OXR1: variants seen among roughly 807,000 people sequenced by gnomAD.
OXR1 encodes oxidation resistance protein 1.
A neutral mutation model predicts 104.6 loss-of-function variants in OXR1; 41 were observed. The observed-to-expected ratio is 0.39, with a 90% CI of 0.31 to 0.51. The LOEUF (loss-of-function observed/expected upper bound fraction) is 0.51, where lower values mean the gene tolerates loss of function less well. OXR1 is among the 20% of genes least tolerant of loss of function. The pLI, the probability that OXR1 is intolerant of heterozygous loss-of-function variation, is 0.77. For missense variants in OXR1, 955 were observed against 1,031.9 expected (o/e 0.93, Z 1.02); for synonymous variants, 348 against 348.4 (o/e 1.00, Z 0.01).
At chr8:106,744,851 C>T (rs764993101) in intron 15 of OXR1, among the ~76,000 whole-genome samples, 2 of 152,070 alleles carry the variant, frequency 1.3e-5, no homozygotes, top group African/African-American at 2.4e-5. Context: ...AAAATAGGAA[C>T]GATTTGGTAA....
intron 3 of OXR1, among the ~76,000 whole-genome samples, chr8:106,616,102 T>C (rs1024288444): frequency 1.5e-5 from 2 of 136,554 alleles, no homozygotes; most frequent in East Asian, 4.4e-4. Context: ...GTGGCAATGG[T>C]GCGATCTCAG....
intron 2 of OXR1, among the ~76,000 whole-genome samples, chr8:106,478,516 G>A (rs1335706987): frequency 1.3e-5 from 2 of 151,788 alleles, no homozygotes; most frequent in African/African-American, 4.8e-5. Context: ...AGTAAGTAAG[G>A]AAGTTCTTGG....
intron 2 of OXR1, among the ~76,000 whole-genome samples, chr8:106,422,654 T>C (rs1038791280): frequency 2.0e-5 from 3 of 152,144 alleles, no homozygotes; most frequent in Admixed American, 6.6e-5. Context: ...TACGGACCCT[T>C]ATAGAAATAA....
chr8:106,413,330 T>C (rs1390122352), intron 2 of OXR1, among the ~76,000 whole-genome samples: 1 of 152,108 alleles, frequency 6.6e-6, no homozygotes, highest in Non-Finnish European at 1.5e-5. Context: ...GTGCTCTCCA[T>C]GTACTCTCAG....
chr8:106,591,040 G>T (rs1175972070), intron 3 of OXR1, among the ~76,000 whole-genome samples: 1 of 151,758 alleles, frequency 6.6e-6, no homozygotes, highest in African/African-American at 2.4e-5. Context: ...GTATCATTGC[G>T]TTTCTAAAGA....
At chr8:106,743,134 T>C (rs966857733) in intron 15 of OXR1, among the ~76,000 whole-genome samples, 17 of 152,068 alleles carry the variant, frequency 1.1e-4, no homozygotes, top group Non-Finnish European at 1.5e-4. Context: ...AAAGACACTT[T>C]TCAAAAGAAG....
At chr8:106,481,428 C>T (rs753414784) in intron 2 of OXR1, among the ~76,000 whole-genome samples, 11 of 151,906 alleles carry the variant, frequency 7.2e-5, no homozygotes, top group Non-Finnish European at 1.2e-4. Flanking sequence ...ATTTTTTAAA[C>T]ATAAGAAAAC....
intron 3 of OXR1, among the ~76,000 whole-genome samples, chr8:106,563,377 TCCAAGAAG>T (rs1816834376): frequency 6.7e-6 from 1 of 149,838 alleles, no homozygotes; most frequent in African/African-American, 2.5e-5. Flanking sequence ...CCAACAGAGA[TCCAAGAAG>T]ACAAAGAAGG....
At chr8:106,659,767 G>A (rs1217917645) in intron 3 of OXR1, among the ~76,000 whole-genome samples, 1 of 152,200 alleles carries the variant, frequency 6.6e-6, no homozygotes, top group African/African-American at 2.4e-5. Context: ...GGCTGGGGCG[G>A]GAAGATCCTT....
chr8:106,657,908 T>G (rs1011737518), intron 3 of OXR1: 2 of 1,246,206 alleles, frequency 1.6e-6, no homozygotes. Flanking sequence ...GATGGGCCGG[T>G]GGGCGCGCTA....
intron 15 of OXR1, among the ~76,000 whole-genome samples, chr8:106,744,049 A>AG (rs1835173701): frequency 6.6e-6 from 1 of 152,126 alleles, no homozygotes; most frequent in East Asian, 1.9e-4. Context: ...TCGCAGGGTG[A>AG]GGGTGTGGGG....
chr8:106,463,365 A>G (rs1586673276), intron 2 of OXR1, among the ~76,000 whole-genome samples: 1 of 152,140 alleles, frequency 6.6e-6, no homozygotes, highest in East Asian at 1.9e-4. Flanking sequence ...TATCAATCGA[A>G]GGCAGTATTT....
intron 3 of OXR1, among the ~76,000 whole-genome samples, chr8:106,669,762 T>A (rs1052146872): frequency 6.6e-6 from 1 of 152,198 alleles, no homozygotes; most frequent in African/African-American, 2.4e-5. Flanking sequence ...CATTGATGAT[T>A]TCCAGACTTT....
chr8:106,436,871 T>A (rs565640081), intron 2 of OXR1, among the ~76,000 whole-genome samples: 2 of 152,270 alleles, frequency 1.3e-5, no homozygotes, highest in South Asian at 4.1e-4. Context: ...TGGCTTGACC[T>A]GAAATACATG....
In OXR1 at chr8:106,585,393, A is replaced by C. The variant is rs373554907; in HGVS notation, c.220+66254A>C. Among the ~76,000 whole-genome samples the C allele has an allele frequency of 2.0e-5, 3 of 152,210 alleles. No individual in the cohort carries two copies. The South Asian group carries it at 6.2e-4, about 32-fold the overall frequency. ...CACTATTTTCCTGTTATCTCAGGCA[A>C]CTTTAGTCTAAACCAACTTGCTAGG... On this transcript the variant is annotated intron_variant, in intron 3 of 16. Transcript: ENST00000517566.
chr8:106,592,576 G>A (rs1397412157), intron 3 of OXR1, among the ~76,000 whole-genome samples: 7 of 152,170 alleles, frequency 4.6e-5, no homozygotes, highest in Admixed American at 4.6e-4. Flanking sequence ...GTGAAATGAA[G>A]AGAAGAAGCC....
At chr8:106,303,400 G>A (rs371462160) in intron 1 of OXR1, among the ~76,000 whole-genome samples, 2 of 150,796 alleles carry the variant, frequency 1.3e-5, no homozygotes, top group East Asian at 2.0e-4. Flanking sequence ...CACCACGCCC[G>A]GCTAATTTTT....
chr8:106,699,172 T>A (rs116608472), intron 7 of OXR1, among the ~76,000 whole-genome samples: 3,459 of 152,320 alleles, frequency 0.023, 42 homozygotes, highest in East Asian at 0.039. Flanking sequence ...ATACAAGATT[T>A]TTTTTTGCTT....
At chr8:106,696,695 A>G (rs1357776350) in intron 7 of OXR1, among the ~76,000 whole-genome samples, 1 of 152,156 alleles carries the variant, frequency 6.6e-6, no homozygotes, top group Non-Finnish European at 1.5e-5. Flanking sequence ...TTAATTAGAA[A>G]TTCTCTAATG....
Sources: allele counts gnomAD v4.1 joint callset (sites outside exome capture counted in the v4.1 genomes callset), GRCh38; gene constraint gnomAD v4.1.1; transcripts MANE v1.5; gene names NCBI Gene and HGNC (gene_info 2026-07-23, HGNC 2026-07-21).